Variants in ZFHX3 observed in about 807,000 individuals in gnomAD.
ZFHX3 encodes the protein zinc finger homeobox protein 3.
A neutral mutation model predicts 279.1 loss-of-function variants in ZFHX3; 42 were observed. That is an observed-to-expected ratio of 0.15 (90% CI 0.12 to 0.19). The LOEUF (loss-of-function observed/expected upper bound fraction) is 0.19. ZFHX3 is among the 10% of genes least tolerant of loss of function. The pLI, the probability that ZFHX3 is intolerant of heterozygous loss-of-function variation, is 1.00. For missense variants in ZFHX3, 4,981 were observed against 4,754.0 expected (o/e 1.05, Z -1.40); for synonymous variants, 2,293 against 1,957.8 (o/e 1.17, Z -4.52).
chr16:73,403,169 T>C (rs2017291936), intron 3 of ZFHX3, among the ~76,000 whole-genome samples: 3 of 152,030 alleles, frequency 2.0e-5, no homozygotes, highest in African/African-American at 7.2e-5. Flanking sequence ...GAGGGAGCAT[T>C]TTCAGAAAGG....
chr16:72,812,113 A>G lies in ZFHX3; in HGVS notation c.3530-75T>C, dbSNP rs1009436490. On this transcript the variant is annotated intron_variant, in intron 5 of 9. Transcript: ENST00000268489. ...CCCAGAGGGTTTGTGTTGGGTGAAA[A>G]TCAACATTCATTTATAGCACAGGAT... 2.6e-6 allele frequency: 4 copies of G among 1,540,960 alleles called. 1 individual carries two copies.
At chr16:73,406,350 C>T (rs1023031348) in intron 3 of ZFHX3, among the ~76,000 whole-genome samples, 1 of 152,160 alleles carries the variant, frequency 6.6e-6, no homozygotes, top group African/African-American at 2.4e-5. Flanking sequence ...CTTCTACAGC[C>T]CCAGGAACCG....
At chr16:72,906,791 C>T (rs2039184447) in intron 3 of ZFHX3, among the ~76,000 whole-genome samples, 1 of 152,124 alleles carries the variant, frequency 6.6e-6, no homozygotes, top group Non-Finnish European at 1.5e-5. Context: ...GAGCGAGACT[C>T]TGTCCACCCC....
chr16:73,596,671 C>T (rs2052054045), intron 2 of ZFHX3, among the ~76,000 whole-genome samples: 1 of 152,182 alleles, frequency 6.6e-6, no homozygotes, highest in African/African-American at 2.4e-5. Flanking sequence ...AAGCATTTCT[C>T]CTCTATGTTC....
intron 2 of ZFHX3, among the ~76,000 whole-genome samples, chr16:73,572,943 A>T (rs1597005891): frequency 2.0e-5 from 3 of 152,144 alleles, no homozygotes; most frequent in East Asian, 3.9e-4. Flanking sequence ...TCATCTTTGT[A>T]TATCTTTATT....
intron 1 of ZFHX3, among the ~76,000 whole-genome samples, chr16:73,043,075 T>C (rs1597128433): frequency 6.6e-6 from 1 of 152,150 alleles, no homozygotes; most frequent in East Asian, 1.9e-4. Flanking sequence ...GCAGATGTTT[T>C]GCCCGCCTCA....
At chr16:73,712,217 G>A (rs1555534111) in intron 1 of ZFHX3, among the ~76,000 whole-genome samples, 1 of 151,180 alleles carries the variant, frequency 6.6e-6, no homozygotes, top group African/African-American at 2.5e-5. Context: ...CAAACCAGCT[G>A]CAGTTTTAAA....
chr16:72,964,668 T>A (rs1961745955), intron 1 of ZFHX3, among the ~76,000 whole-genome samples: 1 of 143,168 alleles, frequency 7.0e-6, no homozygotes. Context: ...TTGGTCTATT[T>A]AAAAAAAAAA....
At chr16:73,023,398 G>A (rs1028190608) in intron 1 of ZFHX3, among the ~76,000 whole-genome samples, 2 of 152,202 alleles carry the variant, frequency 1.3e-5, no homozygotes, top group South Asian at 4.1e-4. Context: ...TAGACACAAG[G>A]GGCCTGGAGC....
In ZFHX3 at chr16:73,699,399, G is replaced by A. The variant is rs2053227020; in HGVS notation, c.-1607-19159C>T. On this transcript the variant is annotated intron_variant, in intron 1 of 17. Coordinates refer to the ZFHX3 transcript ENST00000641206. ...AAAAATAAAAGACCAGTGTTTTGTG[G>A]ACTGCCTGTCTGTCTCAGTCATGTC... 3.3e-5 allele frequency among the ~76,000 whole-genome samples: 5 copies of A among 152,196 alleles called. No homozygotes were observed. The South Asian group carries it at 1.0e-3, about 32-fold the overall frequency.
chr16:73,313,155 T>G (rs2015366372), intron 4 of ZFHX3, among the ~76,000 whole-genome samples: 1 of 152,190 alleles, frequency 6.6e-6, no homozygotes, highest in East Asian at 1.9e-4. Flanking sequence ...TTTCTCGCTC[T>G]CTCTCCTGCT....
chr16:73,124,174 A>G (rs1478730269), intron 7 of ZFHX3, among the ~76,000 whole-genome samples: 3 of 152,308 alleles, frequency 2.0e-5, no homozygotes, highest in East Asian at 1.9e-4. Flanking sequence ...CCGTAACAAA[A>G]TACCATAAAC....
intron 4 of ZFHX3, among the ~76,000 whole-genome samples, chr16:73,314,524 C>T (rs928034613): frequency 6.6e-6 from 1 of 152,176 alleles, no homozygotes; most frequent in Non-Finnish European, 1.5e-5. Flanking sequence ...ACTCCAACCA[C>T]TGGGCTCTGT....
At chr16:73,429,650 T>C (rs1180176225) in intron 3 of ZFHX3, among the ~76,000 whole-genome samples, 1 of 152,132 alleles carries the variant, frequency 6.6e-6, no homozygotes, top group African/African-American at 2.4e-5. Flanking sequence ...TCGGATTTTT[T>C]TAAGCCAATT....
intron 2 of ZFHX3, among the ~76,000 whole-genome samples, chr16:73,487,992 A>T (rs2019002829): frequency 6.6e-6 from 1 of 152,226 alleles, no homozygotes; most frequent in Non-Finnish European, 1.5e-5. Context: ...ACATGATGTG[A>T]TACAGAAACG....
intron 1 of ZFHX3, among the ~76,000 whole-genome samples, chr16:72,974,226 C>G (rs1962241453): frequency 6.6e-6 from 1 of 152,204 alleles, no homozygotes; most frequent in South Asian, 2.1e-4. Flanking sequence ...CATGGTACAG[C>G]TGCTTTTCTC....
intron 1 of ZFHX3, among the ~76,000 whole-genome samples, chr16:73,041,759 C>CA (rs997233384): frequency 4.0e-5 from 6 of 151,470 alleles, no homozygotes; most frequent in South Asian, 2.1e-4. Context: ...AGATACTCCA[C>CA]AAAAAAAAGC....
intron 3 of ZFHX3, among the ~76,000 whole-genome samples, chr16:73,419,133 G>C (rs1476546354): frequency 2.6e-5 from 4 of 152,210 alleles, no homozygotes; most frequent in Non-Finnish European, 5.9e-5. Flanking sequence ...GCTTTCCACT[G>C]TGTTCTGTAC....
chr16:73,603,772 C>CTTT (rs11459049), intron 2 of ZFHX3, among the ~76,000 whole-genome samples: 3,224 of 105,412 alleles, frequency 0.031, 292 homozygotes, highest in African/African-American at 0.089. Flanking sequence ...AAAAAATACG[C>CTTT]TTTTTTTTTT....
Sources: gnomAD v4.1 joint callset for allele counts (sites outside exome capture counted in the v4.1 genomes callset) on GRCh38, gnomAD v4.1.1 for gene constraint, MANE v1.5 for transcripts, NCBI Gene and HGNC (gene_info 2026-07-23, HGNC 2026-07-21) for gene names.